Variants in SYNJ1 observed in about 807,000 individuals in gnomAD.
SYNJ1 encodes synaptojanin 1.
A neutral mutation model predicts 168.2 loss-of-function variants in SYNJ1; 78 were observed. That is an observed-to-expected ratio of 0.46 (90% CI 0.39 to 0.56). The LOEUF is 0.56. SYNJ1 is among the 20% of genes least tolerant of loss of function. The probability of loss-of-function intolerance (pLI) is 0.00; values close to 1 mark genes in which losing one functional copy is unlikely to be tolerated. For missense variants in SYNJ1, 1,303 were observed against 1,597.6 expected, an observed-to-expected ratio of 0.82 and a Z score of 3.14; for synonymous variants, 539 against 548.6, an observed-to-expected ratio of 0.98 and a Z score of 0.24.
chr21:32,685,543 G>A (rs1310924992), intron 9 of SYNJ1, among the ~76,000 whole-genome samples: 1 of 151,796 alleles, frequency 6.6e-6, no homozygotes, highest in Non-Finnish European at 1.5e-5. Flanking sequence ...AGGCTGCAGG[G>A]AGCTGAGACT....
At chr21:32,683,712 C>T (rs2041714169) in intron 10 of SYNJ1, among the ~76,000 whole-genome samples, 1 of 152,032 alleles carries the variant, frequency 6.6e-6, no homozygotes, top group South Asian at 2.1e-4. Flanking sequence ...GCCAAATACA[C>T]ACATACACCC....
chr21:32,648,647 T>C (rs1569040321), intron 23 of SYNJ1, among the ~76,000 whole-genome samples: 2 of 152,214 alleles, frequency 1.3e-5, no homozygotes, highest in Non-Finnish European at 2.9e-5. Context: ...TGTTTCCACA[T>C]ACTCAATCCC....
At chr21:32,652,232 G>A (rs1250734004) in intron 22 of SYNJ1, among the ~76,000 whole-genome samples, 1 of 147,732 alleles carries the variant, frequency 6.8e-6, no homozygotes, top group Non-Finnish European at 1.5e-5. Context: ...ACAGAGTCTC[G>A]CTCTGTTGCC....
At chr21:32,632,381 A>G (rs866931332) in intron 32 of SYNJ1, among the ~76,000 whole-genome samples, 1 of 144,604 alleles carries the variant, frequency 6.9e-6, no homozygotes, top group African/African-American at 2.6e-5. Flanking sequence ...TTCTTTGCCC[A>G]CCCCCTCTTT....
Position 32,666,451 on chromosome 21 carries a change from T to C in SYNJ1, c.1934A>G (p.Gln645Arg). The change falls in exon 16 of 33, where the codon CAG becomes CGG. Residue 645 changes from glutamine to arginine, a missense_variant. Coordinates refer to ENST00000674351, the MANE Select transcript of SYNJ1 (RefSeq NM_203446.3). ...TACTGACCTGATAAAAGGAGCATGC[T>C]GTGGTCTGATAAAAACAAACAAACA... The part of the protein sequence containing the change: ...GVCLFVFIRP[Q>R]HAPFIRDVAV... 6.2e-7 allele frequency: 1 copy of C among 1,614,066 alleles called. No homozygotes were observed. The highest frequency in any genetic ancestry group is 1.7e-5 in the Admixed American group (1 of 60,004).
Position 32,665,051 on chromosome 21 carries a change from A to C in SYNJ1, c.2166T>G (p.His722Gln), listed in dbSNP as rs148784824. The C allele has an allele frequency of 2.5e-6, 4 of 1,600,332 alleles. No homozygotes were observed. The highest frequency in any genetic ancestry group is 3.4e-6 in the Non-Finnish European group (4 of 1,172,642). Residue 722 changes from histidine (H) to glutamine (Q), a missense_variant, in exon 18 of 33, where the codon CAT (histidine) becomes CAG (glutamine). Coordinates refer to ENST00000674351, the MANE Select transcript of SYNJ1 (RefSeq NM_203446.3). ...AATCACCACACCAAAATACATAGTC[A>C]TGGGAAAATAGCATCCTTCCCTGAA... The part of the protein sequence containing the change: ...SFPMGRMLFS[H>Q]DYVFWCGDFN...
chr21:32,679,404 T>C (rs1172866355), intron 11 of SYNJ1, among the ~76,000 whole-genome samples: 1 of 152,194 alleles, frequency 6.6e-6, no homozygotes, highest in Non-Finnish European at 1.5e-5. Context: ...TTTGAGTCAT[T>C]TTATTGCCCA....
chr21:32,642,262 A>G, intron 27 of SYNJ1, 129 bp from the exon 28 acceptor site: 2 of 973,546 alleles, frequency 2.1e-6, no homozygotes, highest in Non-Finnish European at 3.2e-6. Flanking sequence ...AAAACAAAGC[A>G]CTTTGCTTTG....
At chr21:32,646,701 T>C in intron 23 of SYNJ1, 99 bp from the exon 24 acceptor site, 2 of 801,536 alleles carry the variant, frequency 2.5e-6, no homozygotes, top group South Asian at 3.2e-5. Flanking sequence ...ACAAAACAAA[T>C]ATGAACATTA....
At chr21:32,652,461 A>C (rs567065330) in intron 22 of SYNJ1, among the ~76,000 whole-genome samples, 2 of 152,322 alleles carry the variant, frequency 1.3e-5, no homozygotes, top group South Asian at 4.1e-4. Flanking sequence ...TCGGCCTCCC[A>C]AAGTGCTGGG....
intron 21 of SYNJ1, among the ~76,000 whole-genome samples, chr21:32,654,408 T>C (rs1000630092): frequency 1.3e-5 from 2 of 152,184 alleles, no homozygotes; most frequent in Non-Finnish European, 2.9e-5. Flanking sequence ...GATGCTATCC[T>C]TTGAAATACA....
Position 32,726,899 on chromosome 21 carries a change from C to T in SYNJ1, c.-4G>A. On this transcript the variant is annotated 5_prime_UTR_variant, in exon 2 of 33. Transcript: ENST00000674351. ...GGAATCCTTTACTGAACGCCATTCT[C>T]CTTTCTTCGGAGGCAGCCCTGCGAA... The T allele has an allele frequency of 1.2e-6, 2 of 1,614,104 alleles. No homozygotes were observed. The highest frequency in any genetic ancestry group is 2.2e-5 in the East Asian group (1 of 44,850).
chr21:32,663,274 G>A (rs1047365053), intron 18 of SYNJ1, among the ~76,000 whole-genome samples: 1 of 152,206 alleles, frequency 6.6e-6, no homozygotes, highest in Non-Finnish European at 1.5e-5. Context: ...CATAGCTGGA[G>A]AAGGAAAAGA....
intron 24 of SYNJ1, chr21:32,646,012 T>A (rs1192240748): frequency 1.5e-5 from 12 of 811,676 alleles, no homozygotes; most frequent in African/African-American, 5.0e-5. Context: ...TACCTAGGCC[T>A]CAGGTGCTGA....
intron 2 of SYNJ1, among the ~76,000 whole-genome samples, chr21:32,713,482 T>C (rs568512529): frequency 7.6e-6 from 1 of 132,134 alleles, no homozygotes; most frequent in East Asian, 2.3e-4. Context: ...ACATGGATGA[T>C]TTCCCATATG....
chr21:32,630,866 A>C lies in SYNJ1; in HGVS notation c.*939T>G, dbSNP rs571302169. 2.5e-5 allele frequency: 22 copies of C among 892,190 alleles called. No homozygotes were observed. Among genetic ancestry groups the C allele is most frequent in the Non-Finnish European group, 3.5e-5 (21 of 594,796 alleles). The allele number at this position is 892,190 out of a possible 1,614,324, so 55.3% of individuals were successfully genotyped here. ...ACATAGTCCAACTCTGTACACATCAAATAGTGGTGTTTTGTGAAGATATCA... is the reference window on the plus strand; with the variant it reads ...ACATAGTCCAACTCTGTACACATCACATAGTGGTGTTTTGTGAAGATATCA... On this transcript the variant is annotated 3_prime_UTR_variant, in exon 33 of 33. Coordinates refer to ENST00000674351, the MANE Select transcript of SYNJ1 (RefSeq NM_203446.3).
intron 10 of SYNJ1, 145 bp from the exon 11 acceptor site, chr21:32,681,793 CTGAGT>C (rs1165395003): frequency 6.2e-6 from 4 of 644,382 alleles, no homozygotes; most frequent in African/African-American, 1.8e-5. Flanking sequence ...GTTTACTAGG[CTGAGT>C]TATTTCCCAT....
chr21:32,714,334 A>G (rs146634977), intron 2 of SYNJ1, among the ~76,000 whole-genome samples: 1 of 152,198 alleles, frequency 6.6e-6, no homozygotes, highest in Non-Finnish European at 1.5e-5. Flanking sequence ...ACTGAAGAGT[A>G]TTAGGCAGGG....
intron 2 of SYNJ1, among the ~76,000 whole-genome samples, chr21:32,723,496 T>A (rs543963894): frequency 6.6e-6 from 1 of 152,290 alleles, no homozygotes; most frequent in Non-Finnish European, 1.5e-5. Context: ...TATGAGCATT[T>A]AGACAACAAC....
Sources: allele counts gnomAD v4.1 joint callset (sites outside exome capture counted in the v4.1 genomes callset), GRCh38; gene constraint gnomAD v4.1.1; transcripts MANE v1.5; gene names NCBI Gene and HGNC (gene_info 2026-07-23, HGNC 2026-07-21).